Variants in ASCC2 observed in about 807,000 individuals in gnomAD.
The protein encoded by ASCC2 is ASC-1 complex subunit P100.
ASCC2 carries 42 observed loss-of-function variants against 93.5 expected under a neutral mutation model. That is an observed-to-expected ratio of 0.45 (90% confidence interval 0.35 to 0.58). The LOEUF is 0.58. Among genes scored for constraint, ASCC2 ranks in the 20% least tolerant of loss-of-function variants. The probability of loss-of-function intolerance (pLI) is 0.00; values close to 1 mark genes in which losing one functional copy is unlikely to be tolerated. For synonymous variants in ASCC2, 364 were observed against 384.2 expected (o/e 0.95, Z 0.62); for missense variants, 859 against 977.6 (o/e 0.88, Z 1.62).
intron 15 of ASCC2, among the ~76,000 whole-genome samples, chr22:29,794,081 C>T (rs1281940086): frequency 1.3e-5 from 2 of 151,848 alleles, no homozygotes; most frequent in Admixed American, 6.5e-5. Flanking sequence ...GATGGAGTTT[C>T]ACCATGTTGG....
chr22:29,797,965 C>T (rs2058634705), intron 15 of ASCC2, among the ~76,000 whole-genome samples: 1 of 152,098 alleles, frequency 6.6e-6, no homozygotes, highest in African/African-American at 2.4e-5. Context: ...TGGGGTTTCA[C>T]CATGTTGGCC....
intron 10 of ASCC2, 114 bp from the exon 11 acceptor site, chr22:29,806,667 T>C: frequency 7.0e-7 from 1 of 1,423,806 alleles, no homozygotes; most frequent in Non-Finnish European, 9.8e-7. Context: ...ATGAGGCATT[T>C]TTCTTGGTTT....
intron 8 of ASCC2, among the ~76,000 whole-genome samples, chr22:29,811,313 CA>C (rs1292624875): frequency 1.3e-5 from 2 of 151,936 alleles, no homozygotes; most frequent in Non-Finnish European, 2.9e-5. Flanking sequence ...AAAATTCCAC[CA>C]AAAAAACCTA....
chr22:29,792,641 C>A, intron 17 of ASCC2, 106 bp from the exon 18 acceptor site: 14 of 1,479,000 alleles, frequency 9.5e-6, no homozygotes, highest in Non-Finnish European at 1.3e-5. Context: ...CAGGAGGGCT[C>A]AGGAGGTTGG....
intron 8 of ASCC2, among the ~76,000 whole-genome samples, chr22:29,808,890 G>A (rs1355530744): frequency 6.6e-6 from 1 of 151,884 alleles, no homozygotes; most frequent in East Asian, 1.9e-4. Context: ...AGACCGAGAT[G>A]GGTGGATTAC....
intron 1 of ASCC2, among the ~76,000 whole-genome samples, chr22:29,837,882 A>C (rs752756801): frequency 6.6e-6 from 1 of 152,242 alleles, no homozygotes; most frequent in African/African-American, 2.4e-5. Flanking sequence ...CATAGGAAGC[A>C]CTCCACAAAT....
chr22:29,808,312 C>G (rs1214473109), intron 8 of ASCC2, 127 bp from the exon 9 acceptor site: 1 of 966,858 alleles, frequency 1.0e-6, no homozygotes, highest in Non-Finnish European at 1.6e-6. Context: ...CTCCAGGGAC[C>G]CCTTGGTTCT....
intron 5 of ASCC2, among the ~76,000 whole-genome samples, chr22:29,816,899 T>C (rs2148025589): frequency 6.6e-6 from 1 of 152,332 alleles, no homozygotes; most frequent in Middle Eastern, 3.4e-3. Flanking sequence ...GCCAGGGTTC[T>C]TGGCCCCCTG....
At chr22:29,824,546 C>A (rs983057626) in intron 4 of ASCC2, among the ~76,000 whole-genome samples, 7 of 151,262 alleles carry the variant, frequency 4.6e-5, no homozygotes, top group Non-Finnish European at 7.4e-5. Flanking sequence ...GCCTGGGAGA[C>A]TGAAGCTGCA....
At chr22:29,805,246 A>T (rs1212941491) in intron 12 of ASCC2, among the ~76,000 whole-genome samples, 1 of 152,216 alleles carries the variant, frequency 6.6e-6, no homozygotes, top group Non-Finnish European at 1.5e-5. Context: ...AGCAGGACTG[A>T]GCAATCTACT....
intron 6 of ASCC2, 149 bp from the exon 7 acceptor site, chr22:29,814,916 T>C (rs2060662603): frequency 1.6e-6 from 1 of 632,436 alleles, no homozygotes; most frequent in Non-Finnish European, 2.7e-6. Context: ...GACAATTACC[T>C]TCTCCAAGAG....
intron 2 of ASCC2, chr22:29,827,718 T>C: frequency 2.4e-6 from 1 of 408,880 alleles, no homozygotes; most frequent in Non-Finnish European, 5.1e-6. Flanking sequence ...CTTTACCTCT[T>C]CCCTCACTTC....
rs1218359953 is a variant in ASCC2, at chr22:29,788,849, A to G, written c.*164T>C. On this transcript the variant is annotated 3_prime_UTR_variant, in exon 20 of 20. Coordinates refer to ENST00000307790, the MANE Select transcript of ASCC2 (RefSeq NM_032204.5). The stretch of plus-strand genomic sequence containing the variant: ...CTGTGTGTTCTGCAGGAAGGCGCTC[A>G]TGGCTGGCTGGTAGATGAGAGGCGG... The G allele has an allele frequency of 2.5e-6, 2 of 814,616 alleles. No homozygotes were observed. Among genetic ancestry groups the G allele is most frequent in the Non-Finnish European group, 3.9e-6 (2 of 513,272 alleles). The allele number at this position is 814,616 out of a possible 1,614,324, so 50.5% of individuals were successfully genotyped here.
rs145697945 is a variant in ASCC2, at chr22:29,815,213, A to G, written c.610-446T>C. On this transcript the variant is annotated intron_variant, in intron 6 of 19. Coordinates refer to ENST00000307790, the MANE Select transcript of ASCC2 (RefSeq NM_032204.5). ...TTGAGAGGCTGAGGTGGGAGGATCA[A>G]CTGAGCCCAGGAGTTCAAGGCTGCA... 1.4e-3 allele frequency: 249 copies of G among 178,768 alleles called. 1 individual carries two copies. Among genetic ancestry groups the G allele is most frequent in the African/African-American group, 5.7e-3 (238 of 41,658 alleles). The allele number at this position is 178,768 out of a possible 1,614,324, so 11.1% of individuals were successfully genotyped here.
chr22:29,822,959 A>G (rs1243159391), intron 4 of ASCC2, among the ~76,000 whole-genome samples: 1 of 151,994 alleles, frequency 6.6e-6, no homozygotes, highest in Non-Finnish European at 1.5e-5. Context: ...ATCTCAAGCA[A>G]TGAGCTTGCC....
intron 15 of ASCC2, among the ~76,000 whole-genome samples, chr22:29,798,247 C>T (rs1302229891): frequency 2.6e-5 from 4 of 152,122 alleles, no homozygotes; most frequent in African/African-American, 9.7e-5. Context: ...CCTACATTTT[C>T]TTTAGGTCTT....
chr22:29,834,673 C>T (rs978816381), intron 1 of ASCC2: 2 of 402,566 alleles, frequency 5.0e-6, no homozygotes, highest in African/African-American at 2.1e-5. Flanking sequence ...TACTGTCTTA[C>T]TAGCCTCTCA....
At position 29,825,961 on chromosome 22, in the gene ASCC2, C is replaced by T. The variant is rs542366810; in HGVS notation, c.82-181G>A. 1.0e-5 allele frequency: 6 copies of T among 586,848 alleles called. No individual in the cohort carries two copies. Among genetic ancestry groups the T allele is most frequent in the Admixed American group, 3.6e-5 (1 of 27,936 alleles). The allele number at this position is 586,848 out of a possible 1,614,324, so 36.4% of individuals were successfully genotyped here. ...ATGGTTGCATTCAGCGAACACTAGG[C>T]GGTAATTAAAATCCATGTTTTCGGA... On this transcript the variant is annotated intron_variant, in intron 2 of 19. Coordinates refer to ENST00000307790, the MANE Select transcript of ASCC2 (RefSeq NM_032204.5). This position sits in a 1 kb window ranked among gnomAD's most constrained non-coding sequence, Gnocchi z 4.9.
At chr22:29,826,753 C>T (rs1374531365) in intron 2 of ASCC2, among the ~76,000 whole-genome samples, 3 of 152,130 alleles carry the variant, frequency 2.0e-5, no homozygotes, top group Admixed American at 1.3e-4. Flanking sequence ...GGTAACCACT[C>T]ACCATCTGAT....
Sources: allele counts gnomAD v4.1 joint callset (sites outside exome capture counted in the v4.1 genomes callset), GRCh38; gene constraint gnomAD v4.1.1; non-coding constraint Gnocchi (gnomAD v3.1); transcripts MANE v1.5; gene names NCBI Gene and HGNC (gene_info 2026-07-23, HGNC 2026-07-21).